TXNRD1: variants seen among roughly 807,000 people sequenced by gnomAD.
The protein encoded by TXNRD1 is thioredoxin reductase 1.
A neutral mutation model predicts 80.3 loss-of-function variants in TXNRD1; 57 were observed. The ratio of observed to expected loss-of-function variants is 0.71; its 90% confidence interval spans 0.57 to 0.89. The LOEUF (loss-of-function observed/expected upper bound fraction) is 0.89, where lower values mean the gene tolerates loss of function less well. Among genes scored for constraint, TXNRD1 ranks in the 40% least tolerant of loss-of-function variants. TXNRD1 has a pLI of 0.00. For synonymous variants in TXNRD1, 291 were observed against 285.2 expected (o/e 1.02, Z -0.20); for missense variants, 730 against 803.0 (o/e 0.91, Z 1.10).
rs544592592 is a variant in TXNRD1, at chr12:104,326,220, C to T, written c.1309-127C>T. Reference sequence around the variant, plus strand: ...TTTAAACTCTTGCATTACTTTCTTACTGAAATATTTATTTCCAAGTTTGAA... The same window carrying T: ...TTTAAACTCTTGCATTACTTTCTTATTGAAATATTTATTTCCAAGTTTGAA... On this transcript the variant is annotated intron_variant, in intron 11 of 16. Transcript: ENST00000525566. 9.1e-6 allele frequency: 6 copies of T among 662,816 alleles called. No individual in the cohort carries two copies. In the East Asian group the frequency reaches 1.2e-4, roughly 14 times the overall value. 41.1% of individuals were successfully genotyped at this position (662,816 alleles called of 1,614,324 possible).
chr12:104,286,578 C>T, intron 3 of TXNRD1: 1 of 366,644 alleles, frequency 2.7e-6, no homozygotes, highest in Non-Finnish European at 3.8e-6. Flanking sequence ...AACTCAATCA[C>T]CTTTGGAGTT....
intron 3 of TXNRD1, among the ~76,000 whole-genome samples, chr12:104,263,622 A>G (rs1286168588): frequency 3.9e-5 from 6 of 152,222 alleles, no homozygotes; most frequent in Non-Finnish European, 7.3e-5. Context: ...AACAGACAAC[A>G]TCAGTGTAAT....
intron 1 of TXNRD1, among the ~76,000 whole-genome samples, chr12:104,240,570 T>A (rs1049435396): frequency 6.6e-6 from 1 of 152,200 alleles, no homozygotes; most frequent in Non-Finnish European, 1.5e-5. Flanking sequence ...AGAGAACTTT[T>A]TAGCTTAATT....
Position 104,307,277 on chromosome 12 carries a change from G to A in TXNRD1, c.415-4013G>A, listed in dbSNP as rs192613024. On this transcript the variant is annotated intron_variant, in intron 4 of 16. Transcript: ENST00000525566. ...GTATACTGAATAGAAATAACATTAT[G>A]CTAGTCTGTCTATATACTGGATCAA... Among the ~76,000 whole-genome samples the A allele has an allele frequency of 9.2e-5, 14 of 152,286 alleles. No homozygotes were observed. In the East Asian group the frequency reaches 2.7e-3, roughly 29 times the overall value.
In TXNRD1 at chr12:104,304,535, A is replaced by G. The variant is rs2034804584; in HGVS notation, c.415-6755A>G. ...TCGCAAGATGGAAGAAAATGGCAAC[A>G]TGCCTACAAAGTTGCAGAAGTTGGA... On this transcript the variant is annotated intron_variant, in intron 4 of 16. Coordinates refer to ENST00000525566, the MANE Select transcript of TXNRD1 (RefSeq NM_001093771.3). 6.2e-7 allele frequency: 1 copy of G among 1,614,050 alleles called. No individual in the cohort carries two copies. Among genetic ancestry groups the G allele is most frequent in the African/African-American group, 1.3e-5 (1 of 75,068 alleles).
At chr12:104,282,780 A>G (rs2033904940) in intron 3 of TXNRD1, 1 of 152,182 alleles carries the variant, frequency 6.6e-6, no homozygotes, top group Non-Finnish European at 1.5e-5. Context: ...TGCAGCCTCA[A>G]ACTCCTGGGC....
At position 104,319,476 on chromosome 12, in the gene TXNRD1, A is replaced by G. The variant is rs2035453694; in HGVS notation, c.880A>G (p.Asn294Asp). The change falls in exon 9 of 17, where the codon AAT becomes GAT. Residue 294 changes from asparagine (N) to aspartate (D), a missense_variant. By Grantham distance (23) the Asn-to-Asp change is conservative (BLOSUM62 1). Transcript: ENST00000525566. ...FIGPHRIKAT[N>D]NKGKEKIYSA... ...CATATTGGTTCCTTTGTAGGCAACAAATAATAAAGGCAAAGAAAAAATTTA... is the reference window on the plus strand; with the variant it reads ...CATATTGGTTCCTTTGTAGGCAACAGATAATAAAGGCAAAGAAAAAATTTA... The G allele has an allele frequency of 2.5e-6, 4 of 1,576,658 alleles. No homozygotes were observed. The South Asian group carries it at 4.7e-5, about 18-fold the overall frequency.
chr12:104,347,072 G>A, intron 16 of TXNRD1, among the ~76,000 whole-genome samples: 1 of 152,166 alleles, frequency 6.6e-6, no homozygotes, highest in East Asian at 1.9e-4. Context: ...TCCAGCCTGG[G>A]TGACAGAGTG....
intron 3 of TXNRD1, among the ~76,000 whole-genome samples, chr12:104,277,184 G>C (rs2033773447): frequency 6.7e-6 from 1 of 149,578 alleles, no homozygotes; most frequent in African/African-American, 2.5e-5. Context: ...AAGATCGGGA[G>C]ATCAAGACCA....
chr12:104,261,049 C>T (rs987260835), intron 3 of TXNRD1, among the ~76,000 whole-genome samples: 7 of 151,418 alleles, frequency 4.6e-5, no homozygotes, highest in Non-Finnish European at 8.8e-5. Context: ...TTTTAAGAGT[C>T]TGTGATTTAA....
At chr12:104,225,731 T>A (rs1431043840) in intron 1 of TXNRD1, among the ~76,000 whole-genome samples, 2 of 151,108 alleles carry the variant, frequency 1.3e-5, no homozygotes, top group African/African-American at 2.5e-5. Context: ...TTTTTTTTTT[T>A]TATAAATTAC....
At chr12:104,252,753 A>T (rs1377967364) in intron 2 of TXNRD1, among the ~76,000 whole-genome samples, 1 of 110,810 alleles carries the variant, frequency 9.0e-6, no homozygotes, top group Non-Finnish European at 1.7e-5. Context: ...CCAAGGCTGG[A>T]GTGCAGTGGC....
chr12:104,250,236 A>G (rs1300075498), intron 1 of TXNRD1, among the ~76,000 whole-genome samples: 1 of 152,196 alleles, frequency 6.6e-6, no homozygotes, highest in Non-Finnish European at 1.5e-5. Context: ...TGCCTGCCTC[A>G]TAGAACACAT....
chr12:104,254,644 A>AAAAATATATATATAT, intron 2 of TXNRD1, among the ~76,000 whole-genome samples: 1 of 93,648 alleles, frequency 1.1e-5, no homozygotes, highest in African/African-American at 5.2e-5. Flanking sequence ...AAAAAAAAAA[A>AAAAATATATATATAT]ATATATATAT....
At position 104,316,027 on chromosome 12, in the gene TXNRD1, A is replaced by G. The variant is rs564102549; in HGVS notation, c.730+131A>G. 1.0e-3 allele frequency: 988 copies of G among 975,752 alleles called. 2 individuals are homozygous for G. Among genetic ancestry groups the G allele is most frequent in the Non-Finnish European group, 1.3e-3 (912 of 689,232 alleles). The allele number at this position is 975,752 out of a possible 1,614,324, so 60.4% of individuals were successfully genotyped here. A position where few individuals can be genotyped will look rare whatever the true frequency, so the allele number is the denominator to read the frequency against. ...TTTTTATTGTTTACATTTTTGATGG[A>G]TATAATCACTGGAGTTATCCTTTGT... On this transcript the variant is annotated intron_variant, in intron 7 of 16. Transcript: ENST00000525566.
At chr12:104,236,228 C>T (rs2032734464) in intron 1 of TXNRD1, among the ~76,000 whole-genome samples, 1 of 152,162 alleles carries the variant, frequency 6.6e-6, no homozygotes, top group Non-Finnish European at 1.5e-5. Flanking sequence ...GCAAGGACAG[C>T]TTGGGGGCTG....
At chr12:104,304,081 C>T (rs375362953) in intron 4 of TXNRD1, 200 of 1,613,860 alleles carry the variant, frequency 1.2e-4, no homozygotes, top group Non-Finnish European at 1.6e-4. Context: ...AGCTCATGTA[C>T]TGCGTGCGGC....
chr12:104,297,441 C>G (rs891346347), intron 4 of TXNRD1, among the ~76,000 whole-genome samples: 1 of 152,012 alleles, frequency 6.6e-6, no homozygotes, highest in Non-Finnish European at 1.5e-5. Context: ...TCTCAGTTCA[C>G]TGCAATCTCC....
At chr12:104,288,873 C>T (rs758867783) in intron 3 of TXNRD1, 58 bp from the exon 4 acceptor site, 2 of 1,613,354 alleles carry the variant, frequency 1.2e-6, no homozygotes, top group African/African-American at 1.3e-5. Context: ...GCGCAGTTCC[C>T]GCCTGTTAGC....
Sources: allele counts gnomAD v4.1 joint callset (sites outside exome capture counted in the v4.1 genomes callset), GRCh38; gene constraint gnomAD v4.1.1; transcripts MANE v1.5; gene names NCBI Gene and HGNC (gene_info 2026-07-23, HGNC 2026-07-21).